Variants in RPL3 observed in about 807,000 individuals in gnomAD.
The protein encoded by RPL3 is large ribosomal subunit protein uL3.
RPL3 carries 3 observed loss-of-function variants against 46.0 expected under a neutral mutation model. The ratio of observed to expected loss-of-function variants is 0.07; its 90% CI spans 0.03 to 0.17. The LOEUF is 0.17. RPL3 is among the 10% of genes least tolerant of loss of function. RPL3 has a pLI of 1.00. For missense variants in RPL3, 387 were observed against 532.7 expected (o/e 0.73, Z 2.69); for synonymous variants, 224 against 190.8 (o/e 1.17, Z -1.43).
At position 39,315,540 on chromosome 22, in the gene RPL3, G is replaced by A. The variant is rs747283130; in HGVS notation, c.517C>T (p.Leu173=). The change falls in exon 5 of 10, where the codon CTG becomes TTG. Residue 173 remains leucine, a synonymous_variant. Transcript: ENST00000216146. ...ATCAGGTGGGCCTTCTTCTGGCGCA[G>A]AGGAAGCAGGCGCATCTAGGAGAAG... ...IAHTQMRLLP[L]RQKKAHLMEI... is the part of the protein sequence containing the mutation. 4 of 1,613,958 alleles carry A rather than the reference G, an allele frequency of 2.5e-6. No homozygotes were observed. The highest frequency in any genetic ancestry group is 2.2e-5 in the East Asian group (1 of 44,902).
chr22:39,315,621 G>C, intron 4 of RPL3, 66 bp from the exon 5 acceptor site: 1 of 1,575,336 alleles, frequency 6.3e-7, no homozygotes, highest in Admixed American at 1.7e-5. Context: ...AGGAACTGCA[G>C]CTCCATGCGG....
intron 2 of RPL3, chr22:39,318,122 A>C (rs982011697): frequency 1.1e-5 from 5 of 435,182 alleles, no homozygotes; most frequent in East Asian, 9.2e-5. Context: ...CCCCCACACT[A>C]GTGTTAACTT....
intron 3 of RPL3, chr22:39,317,184 A>C: frequency 1.8e-6 from 1 of 562,242 alleles, no homozygotes; most frequent in Non-Finnish European, 3.2e-6. Context: ...GGGTTTAATT[A>C]TTCTGCTACC....
At chr22:39,319,197 G>A (rs1314820110) in intron 1 of RPL3, 2 of 543,396 alleles carry the variant, frequency 3.7e-6, no homozygotes, top group Admixed American at 2.0e-5. Context: ...CCTCCCCCAA[G>A]CTTCTTTACC....
chr22:39,313,356 C>A, intron 8 of RPL3, 46 bp from the exon 9 acceptor site: 1 of 1,611,642 alleles, frequency 6.2e-7, no homozygotes, highest in Non-Finnish European at 8.5e-7. Context: ...AGGAGCCAGG[C>A]TTTCCTCAGC....
rs1298139229 is a variant in RPL3 at position 39,315,385 on chromosome 22, C to T, written c.672G>A (p.Lys224=). Residue 224 remains lysine, a synonymous_variant, in exon 5 of 10, where the codon AAG becomes AAA. Transcript: ENST00000216146. The stretch of plus-strand genomic sequence containing the variant: ...AAAGCTCACCTTTGTAGCCTTTGCC[C>T]TTGGTCACCCCGATGACGTCGATCA... The part of the protein sequence containing the change: ...DEMIDVIGVT[K]GKGYKGVTSR... 1.2e-6 allele frequency: 2 copies of T among 1,613,924 alleles called. No homozygotes were observed. The highest frequency in any genetic ancestry group is 2.7e-5 in the African/African-American group (2 of 74,936).
rs767049676 is a variant in RPL3, at chr22:39,316,922, T to G, written c.366-81A>C. The G allele has an allele frequency of 6.9e-6, 11 of 1,603,438 alleles. No homozygotes were observed. In the African/African-American group the frequency reaches 1.5e-4, roughly 21 times the overall value. ...TCCGAGGGGTGAGCGGAAGGCACAC[T>G]GGCACCGCGTGGGGATGGAGCTCAT... On this transcript the variant is annotated intron_variant, in intron 3 of 9. Coordinates refer to ENST00000216146, the MANE Select transcript of RPL3 (RefSeq NM_000967.4).
At chr22:39,316,624 C>A (rs900725866) in intron 4 of RPL3, 82 bp downstream of exon 4, 6 of 1,571,396 alleles carry the variant, frequency 3.8e-6, no homozygotes, top group Non-Finnish European at 4.4e-6. Context: ...TACCCATAAG[C>A]GTGCGGGCAC....
At chr22:39,318,122 A>G in intron 2 of RPL3, 1 of 435,300 alleles carries the variant, frequency 2.3e-6, no homozygotes, top group Non-Finnish European at 4.1e-6. Flanking sequence ...CCCCCACACT[A>G]GTGTTAACTT....
At chr22:39,317,886 C>A in intron 2 of RPL3, 1 of 491,286 alleles carries the variant, frequency 2.0e-6, no homozygotes, top group East Asian at 3.4e-5. Flanking sequence ...CCTCTGGAGG[C>A]AGACAAGATT....
At position 39,316,724 on chromosome 22, in the gene RPL3, A is replaced by G. The variant is rs138636769; in HGVS notation, c.483T>C (p.Arg161=). 2.3e-4 allele frequency: 373 copies of G among 1,612,368 alleles called. No individual in the cohort carries two copies. The highest frequency in any genetic ancestry group is 3.0e-4 in the Non-Finnish European group (356 of 1,179,852). ...SSMKKYCQVI[R]VIAHTQMRLL... ...GGCTCACCTGGGTGTGGGCAATGAC[A>G]CGGATGACTTGGCAGTACTTCTTCA... The change falls in exon 4 of 10, where the codon CGT becomes CGC. Residue 161 remains arginine, a synonymous_variant. Transcript: ENST00000216146.
At position 39,318,452 on chromosome 22, in the gene RPL3, T is replaced by C. The variant is rs751893431; in HGVS notation, c.144A>G (p.Gly48=). The change falls in exon 2 of 10, where the codon GGA becomes GGG. Residue 48 remains glycine (G), a synonymous_variant. Transcript: ENST00000216146. The stretch of plus-strand genomic sequence containing the variant: ...CGATGTGAGTCATGCCAGCCTTGTA[T>C]CCCAGGAAGGCTGTGAGGTGGACCG... ...SKPVHLTAFL[G]YKAGMTHIVR... 9 of 1,614,032 alleles carry C rather than the reference T, an allele frequency of 5.6e-6. No individual in the cohort carries two copies. Among genetic ancestry groups the C allele is most frequent in the Non-Finnish European group, 7.6e-6 (9 of 1,179,972 alleles).
Position 39,314,758 on chromosome 22 carries a change from A to G in RPL3, c.777T>C (p.Pro259=). The G allele has an allele frequency of 6.2e-7, 1 of 1,613,568 alleles. No individual in the cohort carries two copies. The highest frequency in any genetic ancestry group is 8.5e-7 in the Non-Finnish European group (1 of 1,179,998). Residue 259 remains proline (P), a synonymous_variant, in exon 6 of 10, where the codon CCT becomes CCC. Transcript: ENST00000216146. The part of the protein sequence containing the change: ...RKVACIGAWH[P]ARVAFSVARA... ...GTGCCACAGAGAAGGCTACACGAGC[A>G]GGATGCCATGCCCCAATACAGGCCA...
chr22:39,317,513 C>G lies in RPL3; in HGVS notation c.313G>C (p.Val105Leu), dbSNP rs537226617. 66 of 1,613,974 alleles carry G rather than the reference C, an allele frequency of 4.1e-5. 1 individual carries two copies. In the South Asian group the frequency reaches 6.7e-4, roughly 16 times the overall value. Reference sequence around the variant, plus strand: ...TCATCACTGATGTGCTCAGCAAAGACAGTCTTGAAGGTCCGGAGGCCTCGA... The same window carrying G: ...TCATCACTGATGTGCTCAGCAAAGAGAGTCTTGAAGGTCCGGAGGCCTCGA... ...TPRGLRTFKT[V>L]FAEHISDECK... Residue 105 changes from valine (V) to leucine (L), a missense_variant, in exon 3 of 10, where the codon GTC becomes CTC. Around this residue, in one of 5 missense-constraint regions of RPL3, gnomAD observed 196 missense variants for 217.5 expected, o/e 0.90. Coordinates refer to ENST00000216146, the MANE Select transcript of RPL3 (RefSeq NM_000967.4).
chr22:39,313,493 C>T (rs1488358955), intron 8 of RPL3, 141 bp downstream of exon 8: 2 of 1,252,136 alleles, frequency 1.6e-6, no homozygotes, highest in Non-Finnish European at 2.3e-6. Flanking sequence ...ATTTCCTCAT[C>T]TCAGGACTTC....
At chr22:39,314,411 G>A in intron 6 of RPL3, 2 of 631,952 alleles carry the variant, frequency 3.2e-6, no homozygotes, top group South Asian at 1.9e-5. Flanking sequence ...AGATCCTGCT[G>A]TACAACACAG....
In RPL3 at chr22:39,313,176, G is replaced by A. The variant is rs764266892; in HGVS notation, c.1167+15C>T. 6.8e-6 allele frequency: 11 copies of A among 1,606,560 alleles called. No homozygotes were observed. In the Admixed American group the frequency reaches 1.5e-4, roughly 22 times the overall value. On this transcript the variant is annotated intron_variant, in intron 9 of 9. Transcript: ENST00000216146. Reference sequence around the variant, plus strand: ...GCCACCACACCCAGCGAGGGGGGCAGGCAGAGGTGCTCACCATGAATGCTT... The same window carrying A: ...GCCACCACACCCAGCGAGGGGGGCAAGCAGAGGTGCTCACCATGAATGCTT...
At chr22:39,314,582 T>C in intron 6 of RPL3, 104 bp downstream of exon 6, 1 of 1,325,254 alleles carries the variant, frequency 7.5e-7, no homozygotes, top group Non-Finnish European at 1.0e-6. Flanking sequence ...GTCCACGTGA[T>C]GCATAAGCTA....
chr22:39,318,906 C>T, intron 1 of RPL3: 1 of 453,922 alleles, frequency 2.2e-6, no homozygotes, highest in Non-Finnish European at 4.4e-6. Flanking sequence ...GCTTTATATG[C>T]CAATTAGCAA....
Sources: gnomAD v4.1 joint callset for allele counts on GRCh38, gnomAD v4.1.1 for gene constraint, gnomAD v4.1.1 regional missense constraint, MANE v1.5 for transcripts, NCBI Gene and HGNC (gene_info 2026-07-23, HGNC 2026-07-21) for gene names.